The following PPFIA2 variants were observed in gnomAD, a reference collection of about 807,000 sequenced individuals.
The protein encoded by PPFIA2 is PPFI scaffold protein A2, also known as liprin-alpha-2.
A neutral mutation model predicts 175.5 loss-of-function variants in PPFIA2; 46 were observed. The observed-to-expected ratio is 0.26, with a 90% CI of 0.21 to 0.34. The LOEUF (loss-of-function observed/expected upper bound fraction) is 0.34. Ranked by LOEUF, PPFIA2 falls within the 10% of genes least tolerant of loss-of-function variation. PPFIA2 has a pLI of 1.00. For missense variants in PPFIA2, 1,179 were observed against 1,506.1 expected, an observed-to-expected ratio of 0.78 and a Z score of 3.60; for synonymous variants, 568 against 511.4, an observed-to-expected ratio of 1.11 and a Z score of -1.49.
intron 3 of PPFIA2, among the ~76,000 whole-genome samples, chr12:81,710,177 A>G (rs187785551): frequency 5.9e-5 from 9 of 152,060 alleles, no homozygotes; most frequent in South Asian, 2.1e-4. Flanking sequence ...TGTATTTTAT[A>G]TATCTTGGGG....
intron 28 of PPFIA2, among the ~76,000 whole-genome samples, chr12:81,270,518 C>A (rs959935570): frequency 1.3e-5 from 2 of 152,140 alleles, no homozygotes; most frequent in Non-Finnish European, 2.9e-5. Flanking sequence ...TGGAAATAGA[C>A]ATGCACACAT....
intron 4 of PPFIA2, among the ~76,000 whole-genome samples, chr12:81,482,214 C>A (rs537958737): frequency 2.0e-5 from 3 of 152,064 alleles, no homozygotes; most frequent in Admixed American, 6.6e-5. Context: ...GTTAGAATGG[C>A]AATTATTAAA....
intron 4 of PPFIA2, among the ~76,000 whole-genome samples, chr12:81,661,746 A>G (rs1596134578): frequency 6.6e-6 from 1 of 152,172 alleles, no homozygotes; most frequent in Non-Finnish European, 1.5e-5. Flanking sequence ...CAGTTTATAC[A>G]TTCTTCTCAG....
intron 6 of PPFIA2, among the ~76,000 whole-genome samples, chr12:81,443,083 G>C (rs2050533213): frequency 6.6e-6 from 1 of 150,818 alleles, no homozygotes; most frequent in Admixed American, 6.6e-5. Flanking sequence ...TACTTGGTTT[G>C]AAAGTTTTAT....
intron 3 of PPFIA2, among the ~76,000 whole-genome samples, chr12:81,742,879 A>T (rs555853508): frequency 6.6e-6 from 1 of 152,266 alleles, no homozygotes; most frequent in Admixed American, 6.5e-5. Flanking sequence ...CTCAAGAAAG[A>T]AGGGGGATCC....
chr12:81,514,488 A>C (rs1567146502), intron 4 of PPFIA2, among the ~76,000 whole-genome samples: 1 of 151,928 alleles, frequency 6.6e-6, no homozygotes, highest in African/African-American at 2.4e-5. Context: ...TTATTTTGAC[A>C]CTTCTAAGAG....
intron 2 of PPFIA2, 56 bp downstream of exon 2, chr12:81,758,344 G>A: frequency 2.2e-6 from 1 of 454,946 alleles, no homozygotes; most frequent in East Asian, 7.0e-5. Flanking sequence ...GGGCCGGGGA[G>A]GTGGTCAAAA....
chr12:81,576,302 A>G (rs2073532878), intron 4 of PPFIA2, among the ~76,000 whole-genome samples: 1 of 151,778 alleles, frequency 6.6e-6, no homozygotes, highest in Non-Finnish European at 1.5e-5. Context: ...AGATGGAGTG[A>G]GGAAGGGAAG....
intron 4 of PPFIA2, among the ~76,000 whole-genome samples, chr12:81,531,173 G>A (rs2064494353): frequency 6.6e-6 from 1 of 151,864 alleles, no homozygotes; most frequent in African/African-American, 2.4e-5. Flanking sequence ...GCGAATAGAA[G>A]CCATGCCAGT....
chr12:81,463,526 G>A (rs748676494), intron 4 of PPFIA2, among the ~76,000 whole-genome samples: 1 of 152,044 alleles, frequency 6.6e-6, no homozygotes, highest in African/African-American at 2.4e-5. Context: ...GAATTTTAAA[G>A]AACAGTCAAG....
At chr12:81,508,080 A>T (rs2061366091) in intron 4 of PPFIA2, among the ~76,000 whole-genome samples, 1 of 152,188 alleles carries the variant, frequency 6.6e-6, no homozygotes, top group Admixed American at 6.5e-5. Flanking sequence ...CATTGTATTA[A>T]ACTTCAGGGT....
chr12:81,647,638 G>A (rs2066332162), intron 4 of PPFIA2, among the ~76,000 whole-genome samples: 1 of 151,042 alleles, frequency 6.6e-6, no homozygotes. Context: ...GCGGGTGCTT[G>A]TAGTCCCAGC....
intron 5 of PPFIA2, among the ~76,000 whole-genome samples, chr12:81,446,964 A>G (rs1356133957): frequency 6.6e-6 from 1 of 152,114 alleles, no homozygotes; most frequent in Non-Finnish European, 1.5e-5. Context: ...TATCTGAGAC[A>G]CTAAACATGC....
At chr12:81,480,772 T>C (rs2058117226) in intron 4 of PPFIA2, among the ~76,000 whole-genome samples, 1 of 152,134 alleles carries the variant, frequency 6.6e-6, no homozygotes, top group Non-Finnish European at 1.5e-5. Context: ...TGCCTGTTCC[T>C]TCATCTGGAA....
intron 3 of PPFIA2, among the ~76,000 whole-genome samples, chr12:81,692,661 C>T (rs1031440736): frequency 2.0e-5 from 3 of 151,818 alleles, no homozygotes; most frequent in South Asian, 2.1e-4. Flanking sequence ...AAAAGCAAAG[C>T]GATGTTAGAA....
At chr12:81,659,416 C>A (rs886998904) in intron 4 of PPFIA2, among the ~76,000 whole-genome samples, 2 of 152,212 alleles carry the variant, frequency 1.3e-5, no homozygotes, top group Non-Finnish European at 2.9e-5. Context: ...TATCCTTCAC[C>A]TGGCTCGAAG....
chr12:81,624,614 A>G (rs1190686972), intron 4 of PPFIA2, among the ~76,000 whole-genome samples: 1 of 146,490 alleles, frequency 6.8e-6, no homozygotes, highest in East Asian at 1.9e-4. Context: ...GATAATATAT[A>G]ATTATATATA....
At chr12:81,400,078 AG>A (rs1226463396) in intron 8 of PPFIA2, among the ~76,000 whole-genome samples, 1 of 152,206 alleles carries the variant, frequency 6.6e-6, no homozygotes, top group Non-Finnish European at 1.5e-5. Context: ...AATGATTAAA[AG>A]AATGGCATTT....
chr12:81,382,222 A>G (rs2037877640), intron 9 of PPFIA2, among the ~76,000 whole-genome samples: 1 of 152,158 alleles, frequency 6.6e-6, no homozygotes, highest in South Asian at 2.1e-4. Context: ...CTTGCTTAAG[A>G]GGTCACTCCA....
Sources: gnomAD v4.1 joint callset for allele counts (sites outside exome capture counted in the v4.1 genomes callset) on GRCh38, gnomAD v4.1.1 for gene constraint, MANE v1.5 for transcripts, NCBI Gene and HGNC (gene_info 2026-07-23, HGNC 2026-07-21) for gene names.